SYNE3: variants seen among roughly 807,000 people sequenced by gnomAD.
The protein encoded by SYNE3 is nesprin-3.
Under a neutral mutation model 111.2 loss-of-function variants are expected in SYNE3, and 100 were observed. That is an observed-to-expected ratio of 0.90 (90% CI 0.77 to 1.06). The LOEUF (loss-of-function observed/expected upper bound fraction) is 1.06. Among genes scored for constraint, SYNE3 ranks in the 50% least tolerant of loss-of-function variants. SYNE3 has a pLI of 0.00. For synonymous variants in SYNE3, 547 were observed against 533.9 expected, an observed-to-expected ratio of 1.02 and a Z score of -0.34; for missense variants, 1,160 against 1,240.3, an observed-to-expected ratio of 0.94 and a Z score of 0.97.
chr14:95,423,967 A>T (rs1595174076), intron 17 of SYNE3, among the ~76,000 whole-genome samples: 14 of 137,532 alleles, frequency 1.0e-4, no homozygotes, highest in South Asian at 2.4e-4. Flanking sequence ...GGGGATGGGG[A>T]TTTGATGGGG....
In SYNE3 at chr14:95,415,189, C is replaced by T. The variant is rs1357724827; in HGVS notation, c.*2637G>A. The T allele has an allele frequency of 6.6e-6, 1 of 152,284 alleles. No homozygotes were observed. The highest frequency in any genetic ancestry group is 2.4e-5 in the African/African-American group (1 of 41,456). 9.4% of individuals were successfully genotyped at this position (152,284 alleles called of 1,614,324 possible). A position where few individuals can be genotyped will look rare whatever the true frequency, so the allele number is the denominator to read the frequency against. ...CAGTTGGGCTCTGGCCTTGCTGCCT[C>T]TCACTGTGTGGCCATGGATCAGTTT... On this transcript the variant is annotated 3_prime_UTR_variant, in exon 18 of 18. Transcript: ENST00000682763.
rs768986406 is a variant in SYNE3, at chr14:95,444,525, C to T, written c.1736G>A (p.Arg579Gln). 1.1e-5 allele frequency: 17 copies of T among 1,613,396 alleles called. No individual in the cohort carries two copies. The highest frequency in any genetic ancestry group is 3.3e-5 in the South Asian group (3 of 91,044). Residue 579 changes from arginine (R) to glutamine (Q), a missense_variant, in exon 10 of 18, where the codon CGG becomes CAG. By Grantham distance (43) the Arg-to-Gln change is conservative. Coordinates refer to ENST00000682763, the MANE Select transcript of SYNE3 (RefSeq NM_152592.6). The part of the protein sequence containing the change: ...VRVQAEKGLQ[R>Q]DLPGKQAQLS... ...CTGGGCCTGTTTTCCAGGAAGGTCC[C>T]GCTGAAGCCCCTTCTCGGCTTGGAC... is the stretch of plus-strand genomic sequence containing the variant.
intron 17 of SYNE3, among the ~76,000 whole-genome samples, chr14:95,421,238 T>A (rs1007221080): frequency 1.3e-5 from 2 of 152,006 alleles, no homozygotes; most frequent in African/African-American, 4.8e-5. Flanking sequence ...GAAGCAGGGG[T>A]TGATGAGCCC....
intron 1 of SYNE3, among the ~76,000 whole-genome samples, chr14:95,510,252 A>G (rs1890674729): frequency 6.6e-6 from 1 of 152,216 alleles, no homozygotes; most frequent in Non-Finnish European, 1.5e-5. Context: ...TTCACAGTGC[A>G]GCAACTGACC....
At chr14:95,467,558 G>C (rs545950789) in intron 3 of SYNE3, among the ~76,000 whole-genome samples, 1 of 152,330 alleles carries the variant, frequency 6.6e-6, no homozygotes, top group East Asian at 1.9e-4. Flanking sequence ...TGCACACACG[G>C]TAAGTCTCTT....
chr14:95,450,183 C>G, intron 7 of SYNE3, 78 bp from the exon 8 acceptor site: 8 of 1,482,348 alleles, frequency 5.4e-6, no homozygotes, highest in Non-Finnish European at 7.3e-6. Flanking sequence ...CCGCCAAGAC[C>G]CTCAAGAGGC....
chr14:95,421,154 A>G (rs1885100016), intron 17 of SYNE3, among the ~76,000 whole-genome samples: 1 of 152,242 alleles, frequency 6.6e-6, no homozygotes, highest in Non-Finnish European at 1.5e-5. Context: ...CTTTTTCTTT[A>G]TAAATTACCC....
chr14:95,497,145 C>T (rs781024700), intron 1 of SYNE3, among the ~76,000 whole-genome samples: 2 of 152,236 alleles, frequency 1.3e-5, no homozygotes, highest in African/African-American at 4.8e-5. Flanking sequence ...ACTGCCCCAG[C>T]CCCTGTCCCC....
At position 95,415,088 on chromosome 14, in the gene SYNE3, T is replaced by TA. The variant is rs1903536950; in HGVS notation, c.*2737_*2738insT. 6.6e-6 allele frequency: 1 copy of TA among 151,796 alleles called. No homozygotes were observed. Among genetic ancestry groups the TA allele is most frequent in the East Asian group, 1.9e-4 (1 of 5,144 alleles). The allele number at this position is 151,796 out of a possible 1,614,324, so 9.4% of individuals were successfully genotyped here. A position where few individuals can be genotyped will look rare whatever the true frequency, so the allele number is the denominator to read the frequency against. On this transcript the variant is annotated 3_prime_UTR_variant, in exon 18 of 18. Transcript: ENST00000682763. ...ACAGGCTGCATACATGCCCAGTGGC[T>TA]GTTTTTTTCATGTAGTTGCTGACAT...
chr14:95,502,807 A>C (rs1008386665), intron 1 of SYNE3, among the ~76,000 whole-genome samples: 4 of 152,236 alleles, frequency 2.6e-5, no homozygotes, highest in Admixed American at 1.3e-4. Context: ...CTAGCCCCGC[A>C]GAGACTCAGA....
intron 1 of SYNE3, among the ~76,000 whole-genome samples, chr14:95,490,959 C>T (rs1391943252): frequency 1.3e-5 from 2 of 152,228 alleles, no homozygotes; most frequent in East Asian, 3.8e-4. Context: ...ATGTCTCATC[C>T]CCTCTGTATC....
At chr14:95,449,753 TG>T (rs747282038) in intron 8 of SYNE3, 177 bp downstream of exon 8, 6 of 960,060 alleles carry the variant, frequency 6.2e-6, no homozygotes, top group Non-Finnish European at 7.4e-6. Context: ...CCTTTGTCAG[TG>T]TAACAAGCAA....
chr14:95,498,822 C>A (rs72694805), intron 1 of SYNE3, among the ~76,000 whole-genome samples: 48 of 152,032 alleles, frequency 3.2e-4, no homozygotes, highest in East Asian at 5.8e-4. Context: ...ACCTCTCAGT[C>A]CCCCCCAGGC....
intron 4 of SYNE3, among the ~76,000 whole-genome samples, chr14:95,457,699 G>A (rs1466025557): frequency 2.0e-5 from 3 of 152,124 alleles, no homozygotes; most frequent in Non-Finnish European, 4.4e-5. Context: ...CTGAGCACTC[G>A]CCAAGGTGCT....
chr14:95,472,859 G>A (rs1418199730), intron 2 of SYNE3, among the ~76,000 whole-genome samples: 5 of 152,102 alleles, frequency 3.3e-5, no homozygotes, highest in African/African-American at 7.2e-5. Context: ...TCTACAGATG[G>A]GAACATGAGG....
chr14:95,419,775 G>A (rs1054628345), intron 17 of SYNE3, among the ~76,000 whole-genome samples: 10 of 138,060 alleles, frequency 7.2e-5, no homozygotes, highest in Non-Finnish European at 1.3e-4. Flanking sequence ...TGGAAATGGT[G>A]ATAATGGTGA....
intron 15 of SYNE3, among the ~76,000 whole-genome samples, chr14:95,434,943 C>T (rs1024252728): frequency 2.0e-5 from 3 of 152,310 alleles, no homozygotes; most frequent in East Asian, 3.9e-4. Context: ...CGTGAGCCAC[C>T]GTGCCCTGCC....
intron 1 of SYNE3, among the ~76,000 whole-genome samples, chr14:95,486,247 G>C (rs1487721344): frequency 1.3e-5 from 2 of 151,954 alleles, no homozygotes; most frequent in African/African-American, 2.4e-5. Context: ...ATCTGGCCCA[G>C]TGGGGCAGTG....
At chr14:95,495,637 G>A (rs936467026) in intron 1 of SYNE3, among the ~76,000 whole-genome samples, 2 of 152,138 alleles carry the variant, frequency 1.3e-5, no homozygotes, top group African/African-American at 4.8e-5. Context: ...ACGTCAGACA[G>A]TGACTGAGGC....
Sources: gnomAD v4.1 joint callset for allele counts (sites outside exome capture counted in the v4.1 genomes callset) on GRCh38, gnomAD v4.1.1 for gene constraint, MANE v1.5 for transcripts, NCBI Gene and HGNC (gene_info 2026-07-23, HGNC 2026-07-21) for gene names.